The following KIF26B variants were observed in gnomAD, a reference collection of about 807,000 sequenced individuals.
The protein encoded by KIF26B is kinesin-like protein KIF26B.
A neutral mutation model predicts 151.2 loss-of-function variants in KIF26B; 63 were observed. That is an observed-to-expected ratio of 0.42 (90% CI 0.34 to 0.51). The LOEUF is 0.51. Among genes scored for constraint, KIF26B ranks in the 20% least tolerant of loss-of-function variants. The pLI, the probability that KIF26B is intolerant of heterozygous loss-of-function variation, is 0.07. For missense variants in KIF26B, 2,813 were observed against 2,913.6 expected, an observed-to-expected ratio of 0.97 and a Z score of 0.79; for synonymous variants, 1,357 against 1,262.1, an observed-to-expected ratio of 1.08 and a Z score of -1.59.
chr1:245,698,496 C>T lies in KIF26B; in HGVS notation c.6027+188C>T, dbSNP rs1231665995. ...CTTTGGACAGAGGCCTTGGAGAGAG[C>T]CCCATGTTTCTCTTCCTGAAATGTT... On this transcript the variant is annotated intron_variant, in intron 13 of 14. Coordinates refer to ENST00000407071, the MANE Select transcript of KIF26B (RefSeq NM_018012.4). The surrounding 1 kb of genome is among the most constrained non-coding windows in gnomAD (Gnocchi z 4.0). 6.6e-6 allele frequency among the ~76,000 whole-genome samples: 1 copy of T among 152,164 alleles called. No homozygotes were observed. The highest frequency in any genetic ancestry group is 6.5e-5 in the Admixed American group (1 of 15,280).
intron 4 of KIF26B, among the ~76,000 whole-genome samples, chr1:245,480,493 C>T (rs1004607240): frequency 6.6e-6 from 1 of 151,704 alleles, no homozygotes; most frequent in Non-Finnish European, 1.5e-5. Context: ...AGGGTTTCTG[C>T]ATTCAGTGAC....
At chr1:245,229,462 C>G (rs909384535) in intron 2 of KIF26B, among the ~76,000 whole-genome samples, 2 of 152,262 alleles carry the variant, frequency 1.3e-5, no homozygotes, top group South Asian at 4.1e-4. Flanking sequence ...GGAGCCGTGA[C>G]TTACTAACTT....
chr1:245,261,389 C>T (rs1670635211), intron 2 of KIF26B, among the ~76,000 whole-genome samples: 5 of 151,716 alleles, frequency 3.3e-5, no homozygotes, highest in Admixed American at 2.6e-4. Flanking sequence ...CCTTGGCCTC[C>T]CAAAGTGCTG....
chr1:245,395,589 G>T lies in KIF26B; in HGVS notation c.1000-23990G>T, dbSNP rs566611219. Among the ~76,000 whole-genome samples the T allele has an allele frequency of 1.3e-4, 20 of 152,262 alleles. No individual in the cohort carries two copies. In the South Asian group the frequency reaches 2.3e-3, roughly 17 times the overall value. On this transcript the variant is annotated intron_variant, in intron 3 of 14. Transcript: ENST00000407071. ...GCTGAGCCCAAGCGTGTGCCAGGGT[G>T]GGAGGATTTACACTTCAGAAACTGG...
chr1:245,372,088 C>T (rs117630735), intron 3 of KIF26B, among the ~76,000 whole-genome samples: 10 of 152,202 alleles, frequency 6.6e-5, no homozygotes, highest in East Asian at 3.9e-4. Context: ...AGGAGCCAGC[C>T]GCAGAGCAGG....
rs530838632 is a variant in KIF26B at position 245,481,084 on chromosome 1, C to T, written c.1167-59683C>T. ...GGCACTGTGCTGGCCGTGCGTTGTG[C>T]GTGCATTTTCCTATTTAAAATGCCA... On this transcript the variant is annotated intron_variant, in intron 4 of 14. Transcript: ENST00000407071. 1.0e-3 allele frequency among the ~76,000 whole-genome samples: 153 copies of T among 151,962 alleles called. 6 individuals carry two copies. The highest frequency in any genetic ancestry group is 1.7e-3 in the Non-Finnish European group (113 of 67,860).
rs1010203127 is a variant in KIF26B, at chr1:245,707,308, G to A, written c.*4702G>A. 5 of 152,150 alleles carry A rather than the reference G, an allele frequency of 3.3e-5. No homozygotes were observed. The highest frequency in any genetic ancestry group is 6.5e-5 in the Admixed American group (1 of 15,284). 9.4% of individuals were successfully genotyped at this position (152,150 alleles called of 1,614,324 possible). A position where few individuals can be genotyped will look rare whatever the true frequency, so the allele number is the denominator to read the frequency against. ...GCATAGTTGTTCCCAAGGTCCACAC[G>A]TGTGGAGGCGAGTACTGAAATACCA... On this transcript the variant is annotated 3_prime_UTR_variant, in exon 15 of 15. Transcript: ENST00000407071.
At chr1:245,353,335 C>A (rs1672611472) in intron 2 of KIF26B, among the ~76,000 whole-genome samples, 1 of 152,232 alleles carries the variant, frequency 6.6e-6, no homozygotes, top group Non-Finnish European at 1.5e-5. Context: ...CAGCCTCAGC[C>A]TTTGCTCAGA....
At chr1:245,178,969 C>G (rs1468089218) in intron 2 of KIF26B, among the ~76,000 whole-genome samples, 1 of 30,524 alleles carries the variant, frequency 3.3e-5, no homozygotes, top group East Asian at 1.1e-3. Flanking sequence ...AATTCTTAAC[C>G]ATGTTTTTTT....
Position 245,705,640 on chromosome 1 carries a change from G to A in KIF26B, c.*3034G>A, listed in dbSNP as rs1334270622. 1 of 152,228 alleles carries A rather than the reference G, an allele frequency of 6.6e-6. No homozygotes were observed. The highest frequency in any genetic ancestry group is 1.5e-5 in the Non-Finnish European group (1 of 68,040). 9.4% of individuals were successfully genotyped at this position (152,228 alleles called of 1,614,324 possible). ...TTTAGATGCATAGGTCTAACTCCTT[G>A]TGTGAACCTGTCCTCCTCACCCCCT... On this transcript the variant is annotated 3_prime_UTR_variant, in exon 15 of 15. Transcript: ENST00000407071.
intron 5 of KIF26B, among the ~76,000 whole-genome samples, chr1:245,571,811 A>AT (rs1253713797): frequency 1.3e-5 from 2 of 152,220 alleles, no homozygotes; most frequent in Non-Finnish European, 2.9e-5. Context: ...CTGTAAGGAC[A>AT]TTCATCCTTC....
intron 4 of KIF26B, among the ~76,000 whole-genome samples, chr1:245,486,962 C>T (rs773666747): frequency 2.6e-5 from 4 of 152,216 alleles, no homozygotes; most frequent in Non-Finnish European, 5.9e-5. Flanking sequence ...GAGCTTCCTT[C>T]CTGTCCATAG....
At chr1:245,546,892 T>G (rs763867691) in intron 5 of KIF26B, among the ~76,000 whole-genome samples, 4 of 152,106 alleles carry the variant, frequency 2.6e-5, no homozygotes, top group South Asian at 2.1e-4. Flanking sequence ...GAGTTGGGGG[T>G]GGTGGTTGTT....
rs1558270246 is a variant in KIF26B, at chr1:245,686,007, G to A, written c.3024G>A (p.Val1008=). The A allele has an allele frequency of 1.3e-6, 2 of 1,584,766 alleles. No homozygotes were observed. ...AGATGCAGAGGAGTCACTCACCTGT[G>A]CCCGCCGCGGCACCCGCCCACAGCC... ...ASKMQRSHSP[V]PAAAPAHSPS... Residue 1008 remains valine, a synonymous_variant, in exon 12 of 15, where the codon GTG becomes GTA. Coordinates refer to ENST00000407071, the MANE Select transcript of KIF26B (RefSeq NM_018012.4). The surrounding 1 kb of genome is among the most constrained non-coding windows in gnomAD (Gnocchi z 5.6).
At chr1:245,553,393 C>CAGCT (rs1289765725) in intron 5 of KIF26B, among the ~76,000 whole-genome samples, 1 of 152,122 alleles carries the variant, frequency 6.6e-6, no homozygotes, top group African/African-American at 2.4e-5. Flanking sequence ...TGGCGTGCTG[C>CAGCT]AGCTGCCTTG....
intron 3 of KIF26B, among the ~76,000 whole-genome samples, chr1:245,379,830 G>A (rs1673363060): frequency 6.6e-6 from 1 of 151,984 alleles, no homozygotes; most frequent in African/African-American, 2.4e-5. Context: ...AATTAGCCAG[G>A]CATGGTGGCA....
chr1:245,643,022 CTT>C (rs762604445), intron 9 of KIF26B, among the ~76,000 whole-genome samples: 1 of 152,158 alleles, frequency 6.6e-6, no homozygotes, highest in Non-Finnish European at 1.5e-5. Flanking sequence ...TCTTCAGTCT[CTT>C]TTGTCTAATA....
Position 245,293,996 on chromosome 1 carries a change from T to C in KIF26B, c.466-72838T>C, listed in dbSNP as rs529111108. 7.0e-4 allele frequency among the ~76,000 whole-genome samples: 107 copies of C among 152,356 alleles called. 1 individual carries two copies. The highest frequency in any genetic ancestry group is 2.3e-3 in the African/African-American group (96 of 41,590). ...TCTTTGAATTTGCAAGTTAAAACTC[T>C]GATTTTCCATGGGCAGAATCCGGGT... On this transcript the variant is annotated intron_variant, in intron 2 of 14. Transcript: ENST00000407071.
At chr1:245,302,217 T>C (rs1032335169) in intron 2 of KIF26B, among the ~76,000 whole-genome samples, 6 of 152,242 alleles carry the variant, frequency 3.9e-5, no homozygotes, top group African/African-American at 1.2e-4. Context: ...TTTGTTGATA[T>C]GTAATCAAAG....
Sources: gnomAD v4.1 joint callset for allele counts (sites outside exome capture counted in the v4.1 genomes callset) on GRCh38, gnomAD v4.1.1 for gene constraint, Gnocchi (gnomAD v3.1) non-coding constraint, MANE v1.5 for transcripts, NCBI Gene and HGNC (gene_info 2026-07-23, HGNC 2026-07-21) for gene names.